PPP4R1: variants seen among roughly 807,000 people sequenced by gnomAD.
PPP4R1 encodes the protein serine/threonine-protein phosphatase 4 regulatory subunit 1.
In PPP4R1, 42 loss-of-function variants were observed where a neutral mutation model predicts 111.2. The observed-to-expected ratio is 0.38, with a 90% CI of 0.29 to 0.49. The LOEUF (loss-of-function observed/expected upper bound fraction) is 0.49, where lower values mean the gene tolerates loss of function less well. Among genes scored for constraint, PPP4R1 ranks in the 20% least tolerant of loss-of-function variants. The probability of loss-of-function intolerance (pLI) is 0.97; values close to 1 mark genes in which losing one functional copy is unlikely to be tolerated. For synonymous variants in PPP4R1, 409 were observed against 405.5 expected (o/e 1.01, Z -0.10); for missense variants, 1,012 against 1,161.6 (o/e 0.87, Z 1.87).
intron 15 of PPP4R1, among the ~76,000 whole-genome samples, chr18:9,555,916 C>T (rs370523840): frequency 2.0e-5 from 3 of 151,566 alleles, no homozygotes; most frequent in Non-Finnish European, 2.9e-5. Context: ...GTGGGCGGAT[C>T]ACAAGATCAG....
chr18:9,608,404 C>T (rs1229077670), intron 2 of PPP4R1, among the ~76,000 whole-genome samples: 9 of 152,194 alleles, frequency 5.9e-5, no homozygotes, highest in African/African-American at 2.2e-4. Flanking sequence ...ATGATAGATG[C>T]TCAAATACCA....
At chr18:9,586,966 G>A (rs329032) in intron 6 of PPP4R1, among the ~76,000 whole-genome samples, 87,677 of 151,994 alleles carry the variant, frequency 0.58, 25,839 homozygotes, top group Non-Finnish European at 0.62. Flanking sequence ...ACTTTATGAT[G>A]TGCGTAATGA....
At chr18:9,594,895 C>A in intron 3 of PPP4R1, 123 bp downstream of exon 3, 1 of 1,170,800 alleles carries the variant, frequency 8.5e-7, no homozygotes, top group South Asian at 1.7e-5. Flanking sequence ...ATGAATAAAA[C>A]TTGGTGACTC....
At position 9,614,468 on chromosome 18, in the gene PPP4R1, G is replaced by A. The variant is rs745435009; in HGVS notation, c.7+10C>T. The A allele has an allele frequency of 1.9e-4, 193 of 1,033,662 alleles. No homozygotes were observed. In the Middle Eastern group the frequency reaches 2.8e-3, roughly 15 times the overall value. The allele number at this position is 1,033,662 out of a possible 1,614,324, so 64.0% of individuals were successfully genotyped here. A position where few individuals can be genotyped will look rare whatever the true frequency, so the allele number is the denominator to read the frequency against. The stretch of plus-strand genomic sequence containing the variant: ...AGCCGCCGCCGCCCGGAGAACAGGG[G>A]GCCACGTACCCGCCATCTTGTGGTC... On this transcript the variant is annotated intron_variant, in intron 1 of 19. Transcript: ENST00000400556. The surrounding 1 kb of genome is among the most constrained non-coding windows in gnomAD (Gnocchi z 4.1).
At position 9,614,221 on chromosome 18, in the gene PPP4R1, C is replaced by G; in HGVS notation, c.52+5G>C. ...GCCAGGCCACCGCGAGGCCGGGCCA[C>G]TCACATCCGTCTGCGTCCTCCTGCA... On this transcript the variant is annotated splice_donor_5th_base_variant and intron_variant, in intron 2 of 19. Coordinates refer to ENST00000400556, the MANE Select transcript of PPP4R1 (RefSeq NM_001042388.3). This position sits in a 1 kb window ranked among gnomAD's most constrained non-coding sequence, Gnocchi z 4.1. The G allele has an allele frequency of 7.3e-7, 1 of 1,368,824 alleles. No homozygotes were observed. Among genetic ancestry groups the G allele is most frequent in the Non-Finnish European group, 9.5e-7 (1 of 1,048,226 alleles). The allele number at this position is 1,368,824 out of a possible 1,614,324, so 84.8% of individuals were successfully genotyped here. A position where few individuals can be genotyped will look rare whatever the true frequency, so the allele number is the denominator to read the frequency against.
intron 6 of PPP4R1, among the ~76,000 whole-genome samples, chr18:9,586,156 AATT>A (rs1259461044): frequency 1.3e-5 from 2 of 151,832 alleles, no homozygotes; most frequent in Non-Finnish European, 2.9e-5. Context: ...ATTAAGAAAT[AATT>A]ATTATTTCTC....
At chr18:9,600,407 G>C (rs1448419265) in intron 2 of PPP4R1, among the ~76,000 whole-genome samples, 3 of 151,668 alleles carry the variant, frequency 2.0e-5, no homozygotes, top group Non-Finnish European at 4.4e-5. Context: ...AATGCAACTA[G>C]ATCAATAATT....
At position 9,570,690 on chromosome 18, in the gene PPP4R1, T is replaced by C. The variant is rs1216997953; in HGVS notation, c.1047-7A>G. On this transcript the variant is annotated splice_polypyrimidine_tract_variant and splice_region_variant and intron_variant, in intron 10 of 19. Transcript: ENST00000400556. ...GGCTTCTTGATCTCTGGTCCTTTTATTGTTTTATTTGGTGGGAAAAAAACA... is the reference window on the plus strand; with the variant it reads ...GGCTTCTTGATCTCTGGTCCTTTTACTGTTTTATTTGGTGGGAAAAAAACA... 2.6e-6 allele frequency: 4 copies of C among 1,519,168 alleles called. No homozygotes were observed. Among genetic ancestry groups the C allele is most frequent in the Non-Finnish European group, 3.5e-6 (4 of 1,138,528 alleles). The allele number at this position is 1,519,168 out of a possible 1,614,324, so 94.1% of individuals were successfully genotyped here. A position where few individuals can be genotyped will look rare whatever the true frequency, so the allele number is the denominator to read the frequency against.
intron 8 of PPP4R1, among the ~76,000 whole-genome samples, chr18:9,583,873 C>G (rs574186354): frequency 6.6e-6 from 1 of 151,622 alleles, no homozygotes; most frequent in South Asian, 2.1e-4. Context: ...TGCTTTAAAA[C>G]GGACAGAAAT....
intron 4 of PPP4R1, chr18:9,589,670 G>A (rs2028657): frequency 0.16 from 23,660 of 152,054 alleles, 2,460 homozygotes; most frequent in African/African-American, 0.29. Context: ...AGGCCAAGGC[G>A]GGCAGATCAC....
chr18:9,554,965 A>G lies in PPP4R1; in HGVS notation c.2191-1543T>C, dbSNP rs1217357821. ...ATAACTTTCGAAACCGGGGAAGGAG[A>G]GAAGGCACAGGTTATTTTTACATGG... is the stretch of plus-strand genomic sequence containing the variant. On this transcript the variant is annotated intron_variant, in intron 15 of 19. Coordinates refer to ENST00000400556, the MANE Select transcript of PPP4R1 (RefSeq NM_001042388.3). 2.0e-5 allele frequency among the ~76,000 whole-genome samples: 3 copies of G among 152,280 alleles called. No individual in the cohort carries two copies. In the East Asian group the frequency reaches 5.8e-4, roughly 29 times the overall value.
chr18:9,603,517 T>C (rs1016404075), intron 2 of PPP4R1, among the ~76,000 whole-genome samples: 2 of 152,212 alleles, frequency 1.3e-5, no homozygotes, highest in East Asian at 1.9e-4. Flanking sequence ...TTTCTTTTTA[T>C]TTTTTAATTT....
At chr18:9,574,632 G>A (rs905501965) in intron 10 of PPP4R1, among the ~76,000 whole-genome samples, 15 of 152,180 alleles carry the variant, frequency 9.9e-5, no homozygotes, top group Non-Finnish European at 2.1e-4. Context: ...CAGGCCCAGC[G>A]GAGACAAAGG....
chr18:9,593,928 C>T, intron 3 of PPP4R1, 54 bp from the exon 4 acceptor site: 1 of 1,433,386 alleles, frequency 7.0e-7, no homozygotes, highest in Non-Finnish European at 9.7e-7. Flanking sequence ...AGCTAATATC[C>T]AGAATTTTAA....
chr18:9,549,933 C>T, intron 18 of PPP4R1, 119 bp downstream of exon 18: 1 of 1,419,242 alleles, frequency 7.0e-7, no homozygotes. Flanking sequence ...AACAGCCAGG[C>T]TACTATAAGG....
chr18:9,580,515 A>C (rs1346995269), intron 9 of PPP4R1, among the ~76,000 whole-genome samples: 2 of 152,082 alleles, frequency 1.3e-5, no homozygotes, highest in African/African-American at 4.8e-5. Context: ...ACACCCGGCT[A>C]ATTTTTTGTA....
chr18:9,550,197 G>T lies in PPP4R1; in HGVS notation c.2413-11C>A, dbSNP rs770709933. The T allele has an allele frequency of 9.9e-6, 16 of 1,614,074 alleles. No individual in the cohort carries two copies. The highest frequency in any genetic ancestry group is 9.3e-5 in the African/African-American group (7 of 74,920). Reference sequence around the variant, plus strand: ...CACCATCTCGCTGACCTGGGAGGGTGAGCATGGAGAAATGAGGAACAGCTT... The same window carrying T: ...CACCATCTCGCTGACCTGGGAGGGTTAGCATGGAGAAATGAGGAACAGCTT... On this transcript the variant is annotated splice_polypyrimidine_tract_variant and intron_variant, in intron 17 of 19. Coordinates refer to ENST00000400556, the MANE Select transcript of PPP4R1 (RefSeq NM_001042388.3).
chr18:9,572,592 C>A (rs1258138625), intron 10 of PPP4R1, among the ~76,000 whole-genome samples: 1 of 152,146 alleles, frequency 6.6e-6, no homozygotes, highest in Non-Finnish European at 1.5e-5. Context: ...CCTTTAAATA[C>A]ACACAATAAA....
intron 15 of PPP4R1, among the ~76,000 whole-genome samples, chr18:9,554,348 C>T (rs183866635): frequency 2.2e-4 from 33 of 152,126 alleles, no homozygotes; most frequent in Admixed American, 1.8e-3. Flanking sequence ...AGGATGGTCT[C>T]GATCTCCTGA....
Sources: allele counts gnomAD v4.1 joint callset (sites outside exome capture counted in the v4.1 genomes callset), GRCh38; gene constraint gnomAD v4.1.1; non-coding constraint Gnocchi (gnomAD v3.1); transcripts MANE v1.5; gene names NCBI Gene and HGNC (gene_info 2026-07-23, HGNC 2026-07-21).